The following PCDHA11 variants were observed in gnomAD, a reference collection of about 807,000 sequenced individuals.
PCDHA11 encodes protocadherin alpha 11.
A neutral mutation model predicts 70.3 loss-of-function variants in PCDHA11; 61 were observed. The ratio of observed to expected loss-of-function variants is 0.87; its 90% CI spans 0.71 to 1.07. The LOEUF (loss-of-function observed/expected upper bound fraction) is 1.07. Among genes scored for constraint, PCDHA11 ranks in the 50% least tolerant of loss-of-function variants. The probability of loss-of-function intolerance (pLI) is 0.00; values close to 1 mark genes in which losing one functional copy is unlikely to be tolerated. For missense variants in PCDHA11, 1,324 were observed against 1,237.5 expected (o/e 1.07, Z -1.05); for synonymous variants, 633 against 555.1 (o/e 1.14, Z -1.97).
intron 3 of PCDHA11, among the ~76,000 whole-genome samples, chr5:141,005,547 C>A (rs2098220537): frequency 6.6e-6 from 1 of 150,736 alleles, no homozygotes; most frequent in South Asian, 2.1e-4. Flanking sequence ...ACTAAAAATA[C>A]AAAAATTAGC....
intron 3 of PCDHA11, among the ~76,000 whole-genome samples, chr5:140,984,315 C>G (rs1254013417): frequency 1.3e-5 from 2 of 152,124 alleles, no homozygotes; most frequent in African/African-American, 4.8e-5. Flanking sequence ...GTGTGTATTC[C>G]TAGGCAAATG....
intron 1 of PCDHA11, chr5:140,966,746 C>T: frequency 1.4e-6 from 2 of 1,425,932 alleles, no homozygotes; most frequent in Non-Finnish European, 1.8e-6. Context: ...TGCCCGGCTG[C>T]CTCCGCCGCG....
At chr5:140,875,228 T>C in intron 1 of PCDHA11, 5 of 832,094 alleles carry the variant, frequency 6.0e-6, no homozygotes, top group Non-Finnish European at 8.6e-6. Flanking sequence ...CTCAGGATCT[T>C]TCTTGTACTT....
chr5:140,901,899 T>C (rs1439841120), intron 1 of PCDHA11, among the ~76,000 whole-genome samples: 2 of 152,152 alleles, frequency 1.3e-5, no homozygotes, highest in Non-Finnish European at 2.9e-5. Flanking sequence ...ATATTTTTCA[T>C]TGTGGAGATC....
At chr5:140,927,378 C>T in intron 1 of PCDHA11, 3 of 1,614,110 alleles carry the variant, frequency 1.9e-6, no homozygotes, top group Non-Finnish European at 2.5e-6. Flanking sequence ...TAAGCTACAG[C>T]CTAAGCCCCA....
chr5:140,877,057 G>C, intron 1 of PCDHA11: 1 of 1,612,862 alleles, frequency 6.2e-7, no homozygotes. Flanking sequence ...CGAGGAGCTG[G>C]AGCTGCTGCA....
intron 1 of PCDHA11, among the ~76,000 whole-genome samples, chr5:140,949,947 A>G (rs1554219242): frequency 6.6e-6 from 1 of 151,676 alleles, no homozygotes; most frequent in African/African-American, 2.4e-5. Flanking sequence ...TGCATTTTTT[A>G]GTGGTTGCTG....
rs781865422 is a variant in PCDHA11, at chr5:140,871,237, C to T, written c.2134C>T (p.Leu712Phe). 26 of 1,613,866 alleles carry T rather than the reference C, an allele frequency of 1.6e-5. 1 individual carries two copies. In the South Asian group the frequency reaches 2.3e-4, roughly 14 times the overall value. The stretch of plus-strand genomic sequence containing the variant: ...CTGCGTGGTGTCCAGCCTCCTGGTA[C>T]TCACGCTGCTGCTGTATACGGCGCT... ...AICVVSSLLV[L>F]TLLLYTALWW... Residue 712 changes from leucine (L) to phenylalanine (F), a missense_variant, in exon 1 of 4, where the codon CTC (leucine) becomes TTC (phenylalanine). Leu to Phe is a conservative substitution (Grantham distance 22). Coordinates refer to ENST00000398640, the MANE Select transcript of PCDHA11 (RefSeq NM_018902.5).
At position 140,926,851 on chromosome 5, in the gene PCDHA11, T is replaced by C. The variant is rs201136210; in HGVS notation, c.2392-52098T>C. 6.6e-6 allele frequency: 10 copies of C among 1,517,220 alleles called. No individual in the cohort carries two copies. In the Admixed American group the frequency reaches 6.6e-5, roughly 10 times the overall value. The allele number at this position is 1,517,220 out of a possible 1,614,324, so 94.0% of individuals were successfully genotyped here. ...TCCGGAGCATGGTCCTGGGTCACCGTTGGTGTAGCGTGTTGGTGGAACGTG... is the reference window on the plus strand; with the variant it reads ...TCCGGAGCATGGTCCTGGGTCACCGCTGGTGTAGCGTGTTGGTGGAACGTG... On this transcript the variant is annotated intron_variant, in intron 1 of 3. Coordinates refer to ENST00000398640, the MANE Select transcript of PCDHA11 (RefSeq NM_018902.5).
In PCDHA11 at chr5:140,969,317, G is replaced by T. The variant is rs1554231675; in HGVS notation, c.2392-9632G>T. 3 of 1,614,156 alleles carry T rather than the reference G, an allele frequency of 1.9e-6. No homozygotes were observed. The East Asian group carries it at 6.7e-5, about 36-fold the overall frequency. ...CCTGATTATTCTCAAAAATGAGGCT[G>T]TTTCTCAAAATGAGGTGAGACAGTG... is the stretch of plus-strand genomic sequence containing the variant. On this transcript the variant is annotated intron_variant, in intron 1 of 3. Transcript: ENST00000398640.
At chr5:140,884,063 G>A in intron 1 of PCDHA11, 3 of 1,613,496 alleles carry the variant, frequency 1.9e-6, no homozygotes, top group Non-Finnish European at 1.7e-6. Flanking sequence ...CGCGGTGGAC[G>A]CCGATTCGGG....
At chr5:141,003,324 C>T (rs909788744) in intron 3 of PCDHA11, among the ~76,000 whole-genome samples, 4 of 152,132 alleles carry the variant, frequency 2.6e-5, no homozygotes, top group African/African-American at 9.7e-5. Flanking sequence ...TTCCAGAGGG[C>T]AGGGTTTTTT....
rs1554165586 is a variant in PCDHA11 at position 140,871,426 on chromosome 5, C to T, written c.2323C>T (p.Leu775Phe). ...KTDLMAFSPS[L>F]PLGLNKEEEG... ...GGACCTCATGGCCTTCAGCCCCAGT[C>T]TTCCTCTAGGTCTGAATAAAGAGGA... The change falls in exon 1 of 4, where the codon CTT (leucine) becomes TTT (phenylalanine). Residue 775 changes from leucine to phenylalanine, a missense_variant. By Grantham distance (22) the Leu-to-Phe change is conservative. Transcript: ENST00000398640. 2 of 1,613,320 alleles carry T rather than the reference C, an allele frequency of 1.2e-6. No homozygotes were observed. The highest frequency in any genetic ancestry group is 8.5e-7 in the Non-Finnish European group (1 of 1,179,638).
intron 1 of PCDHA11, among the ~76,000 whole-genome samples, chr5:140,950,234 T>C (rs1423756424): frequency 1.3e-5 from 2 of 152,028 alleles, no homozygotes; most frequent in Non-Finnish European, 2.9e-5. Flanking sequence ...TCTAGTGCCA[T>C]TAATTTGTTC....
intron 3 of PCDHA11, among the ~76,000 whole-genome samples, chr5:140,993,462 TCA>T (rs3836747): frequency 0.093 from 13,122 of 140,864 alleles, 629 homozygotes; most frequent in African/African-American, 0.12. Flanking sequence ...TCTTTCTTTC[TCA>T]CACACACACA....
In PCDHA11 at chr5:140,870,546, G is replaced by T; in HGVS notation, c.1443G>T (p.Ala481=). 1 of 1,614,086 alleles carries T rather than the reference G, an allele frequency of 6.2e-7. No homozygotes were observed. Among genetic ancestry groups the T allele is most frequent in the Non-Finnish European group, 8.5e-7 (1 of 1,180,014 alleles). ...CHIFTVSARD[A]DAQENALVSY... is the part of the protein sequence containing the mutation. ...TCTTCACAGTGTCGGCGCGGGACGC[G>T]GACGCGCAGGAGAACGCGCTGGTGT... Residue 481 remains alanine, a synonymous_variant, in exon 1 of 4, where the codon GCG becomes GCT. Transcript: ENST00000398640.
chr5:140,884,506 G>T (rs10076265), intron 1 of PCDHA11: 2 of 1,614,054 alleles, frequency 1.2e-6, no homozygotes, highest in Admixed American at 3.3e-5. Flanking sequence ...GCGCGGCAGG[G>T]AGTTGGTCGT....
At chr5:140,970,854 T>TG (rs1554232785) in intron 1 of PCDHA11, among the ~76,000 whole-genome samples, 1 of 152,148 alleles carries the variant, frequency 6.6e-6, no homozygotes, top group Non-Finnish European at 1.5e-5. Context: ...GCACAAAAGT[T>TG]CCATTCCTGA....
intron 1 of PCDHA11, among the ~76,000 whole-genome samples, chr5:140,950,237 A>G (rs1192417956): frequency 6.6e-6 from 1 of 151,954 alleles, no homozygotes; most frequent in African/African-American, 2.4e-5. Flanking sequence ...AGTGCCATTA[A>G]TTTGTTCCTA....
Sources: allele counts gnomAD v4.1 joint callset (sites outside exome capture counted in the v4.1 genomes callset), GRCh38; gene constraint gnomAD v4.1.1; transcripts MANE v1.5; gene names NCBI Gene and HGNC (gene_info 2026-07-23, HGNC 2026-07-21).